The following ZNF620 variants were observed in gnomAD, a reference collection of about 807,000 sequenced individuals.
ZNF620 encodes the protein zinc finger protein 620.
A neutral mutation model predicts 13.3 loss-of-function variants in ZNF620; 10 were observed. The observed-to-expected ratio is 0.75, with a 90% confidence interval of 0.46 to 1.28. The LOEUF (loss-of-function observed/expected upper bound fraction) is 1.28. Ranked by LOEUF, ZNF620 falls within the 50% of genes most tolerant of loss-of-function variation. ZNF620 has a pLI of 0.00. For synonymous variants in ZNF620, 166 were observed against 177.6 expected, an observed-to-expected ratio of 0.93 and a Z score of 0.52; for missense variants, 461 against 500.2, an observed-to-expected ratio of 0.92 and a Z score of 0.75.
intron 4 of ZNF620, among the ~76,000 whole-genome samples, chr3:40,514,544 C>A (rs1453476817): frequency 7.9e-5 from 12 of 152,044 alleles, no homozygotes; most frequent in Non-Finnish European, 1.6e-4. Flanking sequence ...AACCCAGAGG[C>A]CCAGTAGGGC....
chr3:40,509,571 A>C (rs991951819), intron 2 of ZNF620, among the ~76,000 whole-genome samples: 1 of 152,032 alleles, frequency 6.6e-6, no homozygotes, highest in Non-Finnish European at 1.5e-5. Context: ...TGGTGTGTAA[A>C]TATCAGGCAT....
At chr3:40,513,194 G>A (rs1698252038) in intron 4 of ZNF620, among the ~76,000 whole-genome samples, 1 of 151,310 alleles carries the variant, frequency 6.6e-6, no homozygotes, top group Non-Finnish European at 1.5e-5. Flanking sequence ...GCTGGGCATG[G>A]TGGCTCATAC....
chr3:40,515,820 G>T (rs1559551951), intron 4 of ZNF620, 40 bp from the exon 5 acceptor site: 29 of 1,233,178 alleles, frequency 2.4e-5, no homozygotes, highest in Non-Finnish European at 2.9e-5. Context: ...GTGTGTGTGT[G>T]ATATCAGGGA....
chr3:40,515,781 TGTGTGTGTGTGTGTG>T, intron 4 of ZNF620, 64 bp from the exon 5 acceptor site: 1 of 25,642 alleles, frequency 3.9e-5, no homozygotes. Context: ...GCACAGATAT[TGTGTGTGTGTGTGTG>T]TGTGTGTGTG....
At chr3:40,509,058 T>C (rs1267404892) in intron 2 of ZNF620, among the ~76,000 whole-genome samples, 4 of 152,034 alleles carry the variant, frequency 2.6e-5, no homozygotes, top group East Asian at 1.9e-4. Flanking sequence ...TAGTAGGTTC[T>C]TATTTGCTTA....
chr3:40,506,393 T>TTCCACC lies in ZNF620; in HGVS notation c.24+17_24+18insTCCACC. ...TGGCGCCAGGTGAGTGAGCATCCTC[T>TTCCACC]CCCTCCCTCCCACCCTTTAGATGTC... On this transcript the variant is annotated intron_variant, in intron 2 of 4. Coordinates refer to ENST00000314529, the MANE Select transcript of ZNF620 (RefSeq NM_175888.4). 1.3e-6 allele frequency: 2 copies of TTCCACC among 1,556,014 alleles called. No homozygotes were observed. The highest frequency in any genetic ancestry group is 1.8e-6 in the Non-Finnish European group (2 of 1,132,310).
Position 40,506,393 on chromosome 3 carries a change from T to TTCCC in ZNF620, c.24+17_24+18insTCCC. On this transcript the variant is annotated intron_variant, in intron 2 of 4. Transcript: ENST00000314529. ...TGGCGCCAGGTGAGTGAGCATCCTC[T>TTCCC]CCCTCCCTCCCACCCTTTAGATGTC... 1.9e-6 allele frequency: 3 copies of TTCCC among 1,555,994 alleles called. No homozygotes were observed. The highest frequency in any genetic ancestry group is 2.6e-6 in the Non-Finnish European group (3 of 1,132,294).
intron 3 of ZNF620, 23 bp from the exon 4 acceptor site, chr3:40,512,379 C>G: frequency 6.2e-7 from 1 of 1,605,754 alleles, no homozygotes; most frequent in Non-Finnish European, 8.5e-7. Flanking sequence ...CTTACCTTTT[C>G]CTGTTTCTTT....
At chr3:40,515,780 TTGTG>T (rs10550548) in intron 4 of ZNF620, 76 bp from the exon 5 acceptor site, 106,472 of 913,442 alleles carry the variant, frequency 0.12, 1,202 homozygotes, top group African/African-American at 0.21. Flanking sequence ...AGCACAGATA[TTGTG>T]TGTGTGTGTG....
intron 2 of ZNF620, among the ~76,000 whole-genome samples, chr3:40,510,305 C>G (rs1387476015): frequency 6.6e-6 from 1 of 152,062 alleles, no homozygotes; most frequent in Non-Finnish European, 1.5e-5. Flanking sequence ...AATCTGTAAT[C>G]CCTGCATTTT....
chr3:40,510,230 C>T (rs1698152103), intron 2 of ZNF620, among the ~76,000 whole-genome samples: 1 of 152,100 alleles, frequency 6.6e-6, no homozygotes, highest in Non-Finnish European at 1.5e-5. Context: ...CCAGGCTGGT[C>T]TCGAACTTCT....
In ZNF620 at chr3:40,516,007, G is replaced by C. The variant is rs774180624; in HGVS notation, c.413G>C (p.Gly138Ala). 7.1e-5 allele frequency: 114 copies of C among 1,614,014 alleles called. 1 individual carries two copies. In the East Asian group the frequency reaches 2.5e-3, roughly 36 times the overall value. The change falls in exon 5 of 5, where the codon GGT (glycine) becomes GCT (alanine). Residue 138 changes from glycine to alanine, a missense_variant. Transcript: ENST00000314529. ...DFGSSLEQPQGHWIIKTKSKR... is the reference protein window; with the variant it reads ...DFGSSLEQPQAHWIIKTKSKR... ...GGGAGCAGCCTAGAGCAGCCACAAG[G>C]TCATTGGATAATTAAGACAAAGTCA...
chr3:40,515,780 TTGTGTGTGTGTGTGTG>T lies in ZNF620; in HGVS notation c.266-55_266-40del, dbSNP rs10550548. 0.011 allele frequency: 9,954 copies of T among 941,194 alleles called. 413 individuals are homozygous for T. In the African/African-American group the frequency reaches 0.13, roughly 13 times the overall value. 58.3% of individuals were successfully genotyped at this position (941,194 alleles called of 1,614,324 possible). A position where few individuals can be genotyped will look rare whatever the true frequency, so the allele number is the denominator to read the frequency against. On this transcript the variant is annotated intron_variant, in intron 4 of 4. Coordinates refer to ENST00000314529, the MANE Select transcript of ZNF620 (RefSeq NM_175888.4). Reference sequence around the variant, plus strand: ...TTCTGTTTCTTCTTCAGCACAGATATTGTGTGTGTGTGTGTGTGTGTGTGTGTGTGTGTGTGTGTGA... The same window carrying T: ...TTCTGTTTCTTCTTCAGCACAGATATTGTGTGTGTGTGTGTGTGTGTGTGA...
At position 40,511,817 on chromosome 3, in the gene ZNF620, G is replaced by A. The variant is rs1430878258; in HGVS notation, c.151+221G>A. Among the ~76,000 whole-genome samples the A allele has an allele frequency of 2.6e-5, 4 of 152,092 alleles. No individual in the cohort carries two copies. The East Asian group carries it at 7.7e-4, about 29-fold the overall frequency. ...CTGCCTCAGCCTCCAAAGTAGCTGG[G>A]ATTACAGGTGGGCGCCACCACACCC... On this transcript the variant is annotated intron_variant, in intron 3 of 4. Transcript: ENST00000314529.
intron 4 of ZNF620, among the ~76,000 whole-genome samples, chr3:40,515,391 C>A (rs1328651769): frequency 1.3e-5 from 2 of 152,228 alleles, no homozygotes; most frequent in Admixed American, 1.3e-4. Context: ...TGTCTTTTAA[C>A]AAGCATCTCT....
intron 4 of ZNF620, 124 bp downstream of exon 4, chr3:40,512,639 G>A: frequency 1.4e-6 from 1 of 700,948 alleles, no homozygotes; most frequent in Non-Finnish European, 2.4e-6. Context: ...ATCATTACAT[G>A]TGATTCTCTG....
At chr3:40,508,772 C>A (rs1231700094) in intron 2 of ZNF620, 1 of 456,380 alleles carries the variant, frequency 2.2e-6, no homozygotes, top group East Asian at 7.0e-5. Flanking sequence ...GTTGAGACTA[C>A]AGGTACAGAC....
chr3:40,516,669 A>G lies in ZNF620; in HGVS notation c.1075A>G (p.Thr359Ala). 1 of 1,614,188 alleles carries G rather than the reference A, an allele frequency of 6.2e-7. No homozygotes were observed. Among genetic ancestry groups the G allele is most frequent in the Non-Finnish European group, 8.5e-7 (1 of 1,180,006 alleles). The change falls in exon 5 of 5, where the codon ACT (threonine) becomes GCT (alanine). Residue 359 changes from threonine (T) to alanine (A), a missense_variant. Thr to Ala is a moderately conservative substitution (Grantham distance 58). Coordinates refer to ENST00000314529, the MANE Select transcript of ZNF620 (RefSeq NM_175888.4). ...TALTQHQRIH[T>A]GEKPFECKEC... Reference sequence around the variant, plus strand: ...CTTGACTCAGCATCAGCGAATTCACACTGGGGAGAAGCCCTTTGAATGTAA... The same window carrying G: ...CTTGACTCAGCATCAGCGAATTCACGCTGGGGAGAAGCCCTTTGAATGTAA...
At chr3:40,509,646 A>G (rs528533023) in intron 2 of ZNF620, among the ~76,000 whole-genome samples, 1 of 152,070 alleles carries the variant, frequency 6.6e-6, no homozygotes, top group Non-Finnish European at 1.5e-5. Flanking sequence ...ACACCCATGT[A>G]CTGATCTGTA....
Sources: gnomAD v4.1 joint callset for allele counts (sites outside exome capture counted in the v4.1 genomes callset) on GRCh38, gnomAD v4.1.1 for gene constraint, MANE v1.5 for transcripts, NCBI Gene and HGNC (gene_info 2026-07-23, HGNC 2026-07-21) for gene names.